The following AGBL1 variants were observed in gnomAD, a reference collection of about 807,000 sequenced individuals.
AGBL1 encodes the protein AGBL carboxypeptidase 1.
AGBL1 carries 130 observed loss-of-function variants against 118.9 expected under a neutral mutation model. The observed-to-expected ratio is 1.09, with a 90% CI of 0.95 to 1.26. The LOEUF is 1.26. AGBL1 is among the 50% of genes most tolerant of loss of function. The pLI is 0.00. For synonymous variants in AGBL1, 555 were observed against 478.9 expected (o/e 1.16, Z -2.08); for missense variants, 1,584 against 1,298.1 (o/e 1.22, Z -3.38).
chr15:86,713,774 G>A (rs1471999399), intron 22 of AGBL1, among the ~76,000 whole-genome samples: 1 of 151,874 alleles, frequency 6.6e-6, no homozygotes, highest in Non-Finnish European at 1.5e-5. Flanking sequence ...AAGTGAACAG[G>A]CTAGAGAGTG....
intron 10 of AGBL1, among the ~76,000 whole-genome samples, 155 bp from the exon 11 acceptor site, chr15:86,264,103 T>C (rs2079034051): frequency 6.6e-6 from 1 of 152,160 alleles, no homozygotes. Context: ...TTTATTTGAC[T>C]CTTGAAGGTT....
chr15:86,765,739 T>C (rs2078088804), intron 22 of AGBL1, among the ~76,000 whole-genome samples: 1 of 151,954 alleles, frequency 6.6e-6, no homozygotes, highest in South Asian at 2.1e-4. Context: ...CATGGCAGTG[T>C]AGATGTTATC....
chr15:86,359,806 C>T (rs976893597), intron 17 of AGBL1, among the ~76,000 whole-genome samples: 1 of 151,680 alleles, frequency 6.6e-6, no homozygotes, highest in Admixed American at 6.6e-5. Flanking sequence ...ACATTTTATT[C>T]TGTTTGCTGC....
intron 24 of AGBL1, among the ~76,000 whole-genome samples, chr15:86,995,897 G>T (rs2081375785): frequency 6.6e-6 from 1 of 152,134 alleles, no homozygotes; most frequent in East Asian, 1.9e-4. Flanking sequence ...CCAGCCTCCG[G>T]GTTCTAATTT....
intron 21 of AGBL1, among the ~76,000 whole-genome samples, chr15:86,577,751 C>T (rs887259498): frequency 3.3e-5 from 5 of 152,198 alleles, no homozygotes; most frequent in South Asian, 2.1e-4. Flanking sequence ...ACATAGAGCT[C>T]GGGCCATGGC....
chr15:86,893,233 G>A (rs907491186), intron 22 of AGBL1, among the ~76,000 whole-genome samples: 3 of 152,280 alleles, frequency 2.0e-5, no homozygotes, highest in South Asian at 2.1e-4. Context: ...GAATCTGAGT[G>A]TCTGGAATTT....
At chr15:86,875,990 C>T (rs1468586628) in intron 22 of AGBL1, among the ~76,000 whole-genome samples, 3 of 152,162 alleles carry the variant, frequency 2.0e-5, no homozygotes, top group Non-Finnish European at 4.4e-5. Context: ...ACTCATAAAA[C>T]ATCCAAACAG....
At chr15:86,867,813 T>G (rs80303899) in intron 22 of AGBL1, among the ~76,000 whole-genome samples, 3 of 152,200 alleles carry the variant, frequency 2.0e-5, no homozygotes, top group Non-Finnish European at 4.4e-5. Flanking sequence ...ATGGATAGGA[T>G]TGACTTTAAA....
chr15:86,890,078 T>C (rs1384472227), intron 22 of AGBL1, among the ~76,000 whole-genome samples: 1 of 152,192 alleles, frequency 6.6e-6, no homozygotes, highest in Non-Finnish European at 1.5e-5. Context: ...GACTTTTTAA[T>C]AGTCACCATT....
intron 5 of AGBL1, among the ~76,000 whole-genome samples, chr15:86,189,599 C>G (rs1255800397): frequency 6.6e-6 from 1 of 152,064 alleles, no homozygotes; most frequent in Non-Finnish European, 1.5e-5. Context: ...TTAAAAAGAG[C>G]CTGGCACTTC....
Position 86,691,293 on chromosome 15 carries a change from C to T in AGBL1, c.3158+16857C>T, listed in dbSNP as rs184848203. Among the ~76,000 whole-genome samples, 459 of 152,248 alleles carry T rather than the reference C, an allele frequency of 3.0e-3. 4 individuals carry two copies. Among genetic ancestry groups the T allele is most frequent in the Non-Finnish European group, 5.4e-3 (369 of 68,004 alleles). Reference sequence around the variant, plus strand: ...CTTAGCAAACTGCAGGGGGCAAGAGCGAGCTTGTGTAAGCACTGAGAGCTT... The same window carrying T: ...CTTAGCAAACTGCAGGGGGCAAGAGTGAGCTTGTGTAAGCACTGAGAGCTT... On this transcript the variant is annotated intron_variant, in intron 22 of 22. Coordinates refer to ENST00000614907, the MANE Select transcript of AGBL1 (RefSeq NM_001386094.1).
At chr15:86,454,064 C>T (rs1332552885) in intron 18 of AGBL1, among the ~76,000 whole-genome samples, 9 of 152,116 alleles carry the variant, frequency 5.9e-5, no homozygotes, top group African/African-American at 2.2e-4. Context: ...ACTCTCTTCA[C>T]TACGTATGGA....
chr15:86,578,452 AC>A (rs151022565), intron 21 of AGBL1, among the ~76,000 whole-genome samples: 3,547 of 152,224 alleles, frequency 0.023, 69 homozygotes, highest in African/African-American at 0.052. Flanking sequence ...GAGACTTCGG[AC>A]TGTGGACTTT....
At chr15:86,852,530 A>G (rs568153831) in intron 22 of AGBL1, among the ~76,000 whole-genome samples, 2 of 152,316 alleles carry the variant, frequency 1.3e-5, no homozygotes, top group South Asian at 4.1e-4. Context: ...CCCAGACACT[A>G]TATAGATTAT....
chr15:86,234,933 G>A (rs970623684), intron 6 of AGBL1, among the ~76,000 whole-genome samples: 39 of 152,190 alleles, frequency 2.6e-4, no homozygotes, highest in Non-Finnish European at 5.0e-4. Flanking sequence ...CCCGAGGGTT[G>A]AATGATATCT....
At chr15:86,211,049 T>C (rs867299095) in intron 5 of AGBL1, among the ~76,000 whole-genome samples, 3 of 152,246 alleles carry the variant, frequency 2.0e-5, no homozygotes, top group Middle Eastern at 3.2e-3. Flanking sequence ...TTCTGTTTGT[T>C]AGTTTTCCTT....
intron 18 of AGBL1, among the ~76,000 whole-genome samples, chr15:86,464,465 T>A (rs1322219101): frequency 6.6e-6 from 1 of 152,226 alleles, no homozygotes; most frequent in Non-Finnish European, 1.5e-5. Context: ...GGCCAGAACT[T>A]CCAATACTAT....
intron 22 of AGBL1, among the ~76,000 whole-genome samples, chr15:86,836,293 A>G (rs1337285633): frequency 6.6e-6 from 1 of 152,192 alleles, no homozygotes; most frequent in Non-Finnish European, 1.5e-5. Flanking sequence ...AAGGCGGGGA[A>G]GTAGAGAAGG....
chr15:86,853,054 AAT>A (rs1192299450), intron 22 of AGBL1, among the ~76,000 whole-genome samples: 1 of 148,954 alleles, frequency 6.7e-6, no homozygotes, highest in Non-Finnish European at 1.5e-5. Flanking sequence ...TTCCAAAAAA[AAT>A]CTCAAAGCCC....
Sources: allele counts gnomAD v4.1 joint callset (sites outside exome capture counted in the v4.1 genomes callset), GRCh38; gene constraint gnomAD v4.1.1; transcripts MANE v1.5; gene names NCBI Gene and HGNC (gene_info 2026-07-23, HGNC 2026-07-21).